Variants in MTBP observed in about 807,000 individuals in gnomAD.
The protein encoded by MTBP is mdm2-binding protein.
MTBP carries 101 observed loss-of-function variants against 117.0 expected under a neutral mutation model. The ratio of observed to expected loss-of-function variants is 0.86; its 90% CI spans 0.73 to 1.02. The LOEUF is 1.02. Among genes scored for constraint, MTBP ranks in the 50% least tolerant of loss-of-function variants. MTBP has a pLI of 0.00. For synonymous variants in MTBP, 350 were observed against 351.5 expected (o/e 1.00, Z 0.05); for missense variants, 970 against 1,030.9 (o/e 0.94, Z 0.81).
intron 10 of MTBP, among the ~76,000 whole-genome samples, chr8:120,469,091 G>A (rs1193180998): frequency 6.6e-6 from 1 of 152,010 alleles, no homozygotes; most frequent in East Asian, 1.9e-4. Flanking sequence ...TGTTGCCCAG[G>A]CTGGAGTGCA....
intron 9 of MTBP, among the ~76,000 whole-genome samples, chr8:120,463,250 A>T (rs4870731): frequency 0.54 from 81,694 of 152,050 alleles, 25,053 homozygotes; most frequent in Non-Finnish European, 0.68. Flanking sequence ...TATTTAAGTA[A>T]ATATAAATGG....
intron 6 of MTBP, 110 bp downstream of exon 6, chr8:120,455,689 A>G (rs1488339746): frequency 9.7e-7 from 1 of 1,031,734 alleles, no homozygotes; most frequent in Non-Finnish European, 1.4e-6. Context: ...ATATGACAAC[A>G]TAAAATTCTA....
chr8:120,504,169 C>T (rs1371894731), intron 15 of MTBP, among the ~76,000 whole-genome samples: 5 of 151,994 alleles, frequency 3.3e-5, no homozygotes, highest in Non-Finnish European at 7.4e-5. Flanking sequence ...TTAAGAATCC[C>T]TGGTGTTTAT....
intron 11 of MTBP, among the ~76,000 whole-genome samples, chr8:120,482,610 T>A (rs895490336): frequency 1.3e-5 from 2 of 152,182 alleles, no homozygotes; most frequent in East Asian, 3.8e-4. Context: ...TTTAAAATAG[T>A]CATGGTGGAA....
intron 11 of MTBP, among the ~76,000 whole-genome samples, chr8:120,480,376 C>A (rs2130565855): frequency 6.6e-6 from 1 of 152,220 alleles, no homozygotes; most frequent in African/African-American, 2.4e-5. Flanking sequence ...CGCCACTGCA[C>A]TCCAGCCTGG....
In MTBP at chr8:120,459,253, G is replaced by C; in HGVS notation, c.786G>C (p.Lys262Asn). ...TTAGTTTTCCTGAATTTTGTTTAAA[G>C]GGAGTCACACTTAAGAATTTTAGTA... ...FEISFPEFCL[K>N]GVTLKNFSTS... is the part of the protein sequence containing the mutation. The change falls in exon 8 of 22, where the codon AAG (lysine) becomes AAC (asparagine). Residue 262 changes from lysine (K) to asparagine (N), a missense_variant. By Grantham distance (94) the Lys-to-Asn change is moderately conservative (BLOSUM62 0). Coordinates refer to ENST00000305949, the MANE Select transcript of MTBP (RefSeq NM_022045.5). 1 of 1,609,930 alleles carries C rather than the reference G, an allele frequency of 6.2e-7. No individual in the cohort carries two copies. Among genetic ancestry groups the C allele is most frequent in the East Asian group, 2.2e-5 (1 of 44,610 alleles).
At chr8:120,487,473 A>C (rs1251495078) in intron 11 of MTBP, among the ~76,000 whole-genome samples, 2 of 152,136 alleles carry the variant, frequency 1.3e-5, no homozygotes, top group Non-Finnish European at 2.9e-5. Flanking sequence ...AGATTTCTTT[A>C]TTCTCATTTA....
At chr8:120,517,088 T>C (rs1488840518) in intron 18 of MTBP, among the ~76,000 whole-genome samples, 1 of 152,014 alleles carries the variant, frequency 6.6e-6, no homozygotes, top group African/African-American at 2.4e-5. Flanking sequence ...AAGGAATGTA[T>C]ACTGTGGCTT....
At chr8:120,509,505 G>C (rs1055545712) in intron 16 of MTBP, among the ~76,000 whole-genome samples, 1 of 152,118 alleles carries the variant, frequency 6.6e-6, no homozygotes, top group Admixed American at 6.5e-5. Context: ...GGGAAGCTGA[G>C]GCAGGAGAAT....
chr8:120,465,655 CTTTTTTTTTTTTTT>C (rs10663319), intron 10 of MTBP, among the ~76,000 whole-genome samples: 1 of 101,662 alleles, frequency 9.8e-6, no homozygotes, highest in Non-Finnish European at 1.8e-5. Flanking sequence ...CTTATAGAGA[CTTTTTTTTTTTTTT>C]TTTTTTTTGA....
At chr8:120,490,820 A>G in intron 13 of MTBP, 1 of 264,266 alleles carries the variant, frequency 3.8e-6, no homozygotes, top group South Asian at 9.9e-5. Flanking sequence ...TTTGTATTTC[A>G]AAATTTGTTT....
chr8:120,485,623 C>G (rs1052963810), intron 11 of MTBP, among the ~76,000 whole-genome samples: 2 of 152,044 alleles, frequency 1.3e-5, no homozygotes, highest in Non-Finnish European at 2.9e-5. Flanking sequence ...CTTCTGGGAC[C>G]TCTCACAAGT....
intron 20 of MTBP, among the ~76,000 whole-genome samples, chr8:120,520,217 AG>A (rs1490210589): frequency 1.3e-5 from 2 of 152,172 alleles, no homozygotes; most frequent in East Asian, 3.8e-4. Flanking sequence ...TAATTCTCAT[AG>A]AAAGAAGATA....
At chr8:120,463,793 G>A (rs1813630160) in intron 10 of MTBP, 32 bp downstream of exon 10, 2 of 1,591,060 alleles carry the variant, frequency 1.3e-6, no homozygotes, top group Non-Finnish European at 1.7e-6. Flanking sequence ...TTTTTTGTTT[G>A]TTTGTTTTTA....
intron 9 of MTBP, among the ~76,000 whole-genome samples, chr8:120,462,856 A>G (rs1382635560): frequency 1.3e-5 from 2 of 152,120 alleles, no homozygotes; most frequent in African/African-American, 2.4e-5. Context: ...TACCCTAAAT[A>G]TTGGGTTTCC....
Position 120,463,687 on chromosome 8 carries a change from T to A in MTBP, c.978-5T>A. ...TTACATCATTTCTTTAACTCCTTAG[T>A]ACAGAGGATTGACAAACAGTACCAA... On this transcript the variant is annotated splice_region_variant and splice_polypyrimidine_tract_variant and intron_variant, in intron 9 of 21. Coordinates refer to ENST00000305949, the MANE Select transcript of MTBP (RefSeq NM_022045.5). 1 of 1,608,872 alleles carries A rather than the reference T, an allele frequency of 6.2e-7. No individual in the cohort carries two copies. The highest frequency in any genetic ancestry group is 1.3e-5 in the African/African-American group (1 of 74,974).
intron 5 of MTBP, 151 bp downstream of exon 5, chr8:120,454,056 G>A (rs747797005): frequency 9.0e-6 from 4 of 443,952 alleles, no homozygotes; most frequent in Non-Finnish European, 1.6e-5. Context: ...GATACAGAAT[G>A]TATCCATGGG....
intron 10 of MTBP, among the ~76,000 whole-genome samples, chr8:120,465,246 T>C (rs1280871726): frequency 1.3e-5 from 2 of 152,174 alleles, no homozygotes; most frequent in Non-Finnish European, 2.9e-5. Context: ...ATTATCTATA[T>C]TGCCAAATAA....
chr8:120,481,448 AT>A (rs35638495), intron 11 of MTBP, among the ~76,000 whole-genome samples: 81,415 of 151,668 alleles, frequency 0.54, 24,795 homozygotes, highest in Non-Finnish European at 0.67. Flanking sequence ...TGAAGAGATC[AT>A]TTTTTTTTGC....
Sources: gnomAD v4.1 joint callset for allele counts (sites outside exome capture counted in the v4.1 genomes callset) on GRCh38, gnomAD v4.1.1 for gene constraint, MANE v1.5 for transcripts, NCBI Gene and HGNC (gene_info 2026-07-23, HGNC 2026-07-21) for gene names.